The following LCP1 variants were observed in gnomAD, a reference collection of about 807,000 sequenced individuals.
LCP1 encodes the protein lymphocyte cytosolic protein 1, also known as plastin-2.
In LCP1, 23 loss-of-function variants were observed where a neutral mutation model predicts 72.0. The ratio of observed to expected loss-of-function variants is 0.32; its 90% CI spans 0.23 to 0.45. The LOEUF is 0.45. LCP1 is among the 20% of genes least tolerant of loss of function. The pLI, the probability that LCP1 is intolerant of heterozygous loss-of-function variation, is 1.00. For synonymous variants in LCP1, 245 were observed against 275.4 expected, an observed-to-expected ratio of 0.89 and a Z score of 1.09; for missense variants, 571 against 748.3, an observed-to-expected ratio of 0.76 and a Z score of 2.76.
At chr13:46,134,087 A>G in intron 14 of LCP1, 40 bp downstream of exon 14, 3 of 1,607,900 alleles carry the variant, frequency 1.9e-6, no homozygotes, top group African/African-American at 2.7e-5. Flanking sequence ...AGATAGGCAT[A>G]GAGCTCAGAT....
intron 8 of LCP1, among the ~76,000 whole-genome samples, chr13:46,150,273 C>G (rs1351893359): frequency 6.6e-6 from 1 of 152,254 alleles, no homozygotes; most frequent in Non-Finnish European, 1.5e-5. Flanking sequence ...TGCTCCTTAA[C>G]CACTTTCTAT....
intron 7 of LCP1, among the ~76,000 whole-genome samples, chr13:46,151,962 G>A (rs945826796): frequency 6.6e-6 from 1 of 152,202 alleles, no homozygotes; most frequent in African/African-American, 2.4e-5. Flanking sequence ...AAGATTGACA[G>A]CTACATATTT....
In LCP1 at chr13:46,145,753, C is replaced by CA. The variant is rs1263976848; in HGVS notation, c.1174+1154dup. On this transcript the variant is annotated intron_variant, in intron 10 of 15. Coordinates refer to ENST00000323076, the MANE Select transcript of LCP1 (RefSeq NM_002298.5). ...TGAAACCCCGTCTCTACTAAAAATA[C>CA]AAAAAATTAGCCGGGCGTAGTGGCG... Among the ~76,000 whole-genome samples the CA allele has an allele frequency of 3.4e-5, 4 of 116,240 alleles. 1 individual carries two copies. Among genetic ancestry groups the CA allele is most frequent in the African/African-American group, 7.6e-5 (2 of 26,174 alleles). The allele number at this position is 116,240 out of a possible 152,430, so 76.3% of individuals were successfully genotyped here. A position where few individuals can be genotyped will look rare whatever the true frequency, so the allele number is the denominator to read the frequency against.
chr13:46,164,698 GGA>G (rs2045866941), intron 1 of LCP1, among the ~76,000 whole-genome samples: 1 of 152,196 alleles, frequency 6.6e-6, no homozygotes, highest in Admixed American at 6.5e-5. Flanking sequence ...ATAGATATCT[GGA>G]GAGAGTCCCT....
At position 46,142,666 on chromosome 13, in the gene LCP1, A is replaced by G. The variant is rs141714864; in HGVS notation, c.1369-241T>C. On this transcript the variant is annotated intron_variant, in intron 12 of 15. Transcript: ENST00000323076. ...GGAAAACTGAAATGAATTCATTACT[A>G]TGAATATGTTCACAGCTATATCACA... The G allele has an allele frequency of 4.0e-4, 229 of 574,658 alleles. 2 individuals carry two copies. The African/African-American group carries it at 4.1e-3, about 10-fold the overall frequency. The allele number at this position is 574,658 out of a possible 1,614,324, so 35.6% of individuals were successfully genotyped here.
At chr13:46,181,515 A>G (rs1057176027) in intron 1 of LCP1, among the ~76,000 whole-genome samples, 3 of 152,242 alleles carry the variant, frequency 2.0e-5, no homozygotes, top group African/African-American at 7.2e-5. Context: ...ACAAATGGAA[A>G]AGAGAAAACC....
chr13:46,152,160 T>C (rs1187528355), intron 7 of LCP1, among the ~76,000 whole-genome samples: 2 of 152,228 alleles, frequency 1.3e-5, no homozygotes, highest in African/African-American at 4.8e-5. Flanking sequence ...GTTACCTTTC[T>C]TTTTCTTTCT....
chr13:46,166,987 A>G (rs760879030), intron 1 of LCP1, among the ~76,000 whole-genome samples: 5 of 152,218 alleles, frequency 3.3e-5, no homozygotes, highest in Admixed American at 6.5e-5. Context: ...GGCCTTAAAA[A>G]CAGATGGCCA....
chr13:46,140,410 A>G (rs973154208), intron 13 of LCP1, among the ~76,000 whole-genome samples: 8 of 152,234 alleles, frequency 5.3e-5, no homozygotes, highest in Non-Finnish European at 7.3e-5. Context: ...ATGAGCATCA[A>G]GCAAAGTACT....
At chr13:46,154,503 A>G (rs2045788219) in intron 6 of LCP1, among the ~76,000 whole-genome samples, 1 of 152,198 alleles carries the variant, frequency 6.6e-6, no homozygotes, top group Non-Finnish European at 1.5e-5. Context: ...AATGCTGTTT[A>G]TTTGGCATCA....
chr13:46,161,708 G>T (rs926293716), intron 1 of LCP1, among the ~76,000 whole-genome samples: 13 of 152,126 alleles, frequency 8.5e-5, no homozygotes, highest in Non-Finnish European at 1.9e-4. Context: ...TGATGTAATT[G>T]ATAAGAAAGA....
At chr13:46,131,103 G>T (rs962211836) in intron 14 of LCP1, among the ~76,000 whole-genome samples, 165 bp from the exon 15 acceptor site, 1 of 152,162 alleles carries the variant, frequency 6.6e-6, no homozygotes, top group African/African-American at 2.4e-5. Flanking sequence ...TGTAGTTTCT[G>T]TAGGAGCATC....
At chr13:46,176,749 G>A (rs1164508514) in intron 1 of LCP1, among the ~76,000 whole-genome samples, 2 of 152,184 alleles carry the variant, frequency 1.3e-5, no homozygotes, top group Non-Finnish European at 2.9e-5. Flanking sequence ...TAATTAATCT[G>A]CTTGCTGAAT....
chr13:46,146,895 C>A lies in LCP1; in HGVS notation c.1174+13G>T. The stretch of plus-strand genomic sequence containing the variant: ...GTGCCTTTCCCCATCTTAGGCAAAT[C>A]GTTTACAGTTACCTTCAAGAGCCCC... On this transcript the variant is annotated intron_variant, in intron 10 of 15. Coordinates refer to ENST00000323076, the MANE Select transcript of LCP1 (RefSeq NM_002298.5). The A allele has an allele frequency of 6.2e-7, 1 of 1,613,660 alleles. No individual in the cohort carries two copies. The highest frequency in any genetic ancestry group is 2.2e-5 in the East Asian group (1 of 44,882).
intron 6 of LCP1, among the ~76,000 whole-genome samples, chr13:46,154,422 T>C (rs1450255801): frequency 2.0e-5 from 3 of 152,242 alleles, no homozygotes; most frequent in African/African-American, 7.2e-5. Flanking sequence ...CCAAAATTAC[T>C]ATGAAGGCTG....
At chr13:46,149,180 T>C (rs779331950) in intron 8 of LCP1, among the ~76,000 whole-genome samples, 1 of 152,240 alleles carries the variant, frequency 6.6e-6, no homozygotes, top group Non-Finnish European at 1.5e-5. Context: ...AATCATTTAA[T>C]AGCATCTCAA....
chr13:46,127,593 A>C lies in LCP1; in HGVS notation c.1882T>G (p.Ter628GlyextTer14). The C allele has an allele frequency of 6.2e-7, 1 of 1,614,114 alleles. No homozygotes were observed. The change falls in exon 16 of 16, where the codon TGA becomes GGA. Residue 628 changes from the stop codon to glycine, a stop_lost. Transcript: ENST00000323076. ...CLMGKGMKRV[*>G] ...CTCCCACCCAGCCCCATTGGGCCTC[A>C]CACCCTCTTCATTCCTTTCCCCATG...
intron 13 of LCP1, among the ~76,000 whole-genome samples, chr13:46,141,527 A>G (rs1192975977): frequency 6.6e-6 from 1 of 152,168 alleles, no homozygotes; most frequent in Non-Finnish European, 1.5e-5. Flanking sequence ...GGGAACAACA[A>G]TAAGAATGAC....
chr13:46,179,810 G>A (rs985543872), intron 1 of LCP1, among the ~76,000 whole-genome samples: 1 of 151,944 alleles, frequency 6.6e-6, no homozygotes, highest in African/African-American at 2.4e-5. Flanking sequence ...AATAAGATTG[G>A]GGAAGTGGGT....
Sources: gnomAD v4.1 joint callset for allele counts (sites outside exome capture counted in the v4.1 genomes callset) on GRCh38, gnomAD v4.1.1 for gene constraint, MANE v1.5 for transcripts, NCBI Gene and HGNC (gene_info 2026-07-23, HGNC 2026-07-21) for gene names.